Variants in TOM1L2 observed in about 807,000 individuals in gnomAD.
The protein encoded by TOM1L2 is TOM1-like protein 2.
A neutral mutation model predicts 67.9 loss-of-function variants in TOM1L2; 31 were observed. The ratio of observed to expected loss-of-function variants is 0.46; its 90% CI spans 0.34 to 0.62. TOM1L2 has a LOEUF of 0.62. Among genes scored for constraint, TOM1L2 ranks in the 20% least tolerant of loss-of-function variants. The probability of loss-of-function intolerance (pLI) is 0.01; values close to 1 mark genes in which losing one functional copy is unlikely to be tolerated. For synonymous variants in TOM1L2, 256 were observed against 254.0 expected, an observed-to-expected ratio of 1.01 and a Z score of -0.07; for missense variants, 606 against 663.5, an observed-to-expected ratio of 0.91 and a Z score of 0.95.
At chr17:17,946,429 T>G (rs1342736851) in intron 1 of TOM1L2, among the ~76,000 whole-genome samples, 1 of 152,228 alleles carries the variant, frequency 6.6e-6, no homozygotes, top group African/African-American at 2.4e-5. Flanking sequence ...TAGATGTGTC[T>G]ATTCTGAACA....
At chr17:17,858,395 C>T (rs2036367333) in intron 12 of TOM1L2, 1 of 152,800 alleles carries the variant, frequency 6.5e-6, no homozygotes, top group Non-Finnish European at 1.5e-5. Context: ...CCGCCTCAGC[C>T]TCCTGAGTAG....
intron 10 of TOM1L2, among the ~76,000 whole-genome samples, chr17:17,864,243 C>T (rs1226977659): frequency 6.7e-6 from 1 of 149,162 alleles, no homozygotes; most frequent in Non-Finnish European, 1.5e-5. Flanking sequence ...CAGAGTCTCG[C>T]TCTGTCACCC....
intron 1 of TOM1L2, among the ~76,000 whole-genome samples, chr17:17,939,787 G>A (rs115181587): frequency 3.8e-4 from 58 of 152,302 alleles, no homozygotes; most frequent in African/African-American, 1.3e-3. Flanking sequence ...TGTAATGAAA[G>A]TATAAGTAAG....
Position 17,861,543 on chromosome 17 carries a change from T to G in TOM1L2, c.1211A>C (p.Tyr404Ser). 6.2e-7 allele frequency: 1 copy of G among 1,613,988 alleles called. No homozygotes were observed. The highest frequency in any genetic ancestry group is 1.7e-5 in the Admixed American group (1 of 60,020). Residue 404 changes from tyrosine (Y) to serine (S), a missense_variant, in exon 12 of 15, where the codon TAT becomes TCT. Transcript: ENST00000379504. The stretch of plus-strand genomic sequence containing the variant: ...TCCTCCGACAGCCTGAGGATCCTCA[T>G]AGGTTACCCTGGAGATGAAGAAGCA... Reference protein sequence around the residue: ...SLAEQRKTVTYEDPQAVGGLA... With the variant: ...SLAEQRKTVTSEDPQAVGGLA...
At chr17:17,952,356 A>G (rs2041237198) in intron 1 of TOM1L2, among the ~76,000 whole-genome samples, 1 of 143,416 alleles carries the variant, frequency 7.0e-6, no homozygotes. Context: ...CTCTTTATAC[A>G]GTAAGTGCTT....
At chr17:17,907,339 T>C (rs1357102535) in intron 2 of TOM1L2, 108 bp downstream of exon 2, 33 of 938,472 alleles carry the variant, frequency 3.5e-5, no homozygotes, top group Non-Finnish European at 5.1e-5. Context: ...AAACCAAACA[T>C]ACTAGGAACA....
chr17:17,939,652 A>C (rs2040649078), intron 1 of TOM1L2, among the ~76,000 whole-genome samples: 1 of 152,254 alleles, frequency 6.6e-6, no homozygotes, highest in South Asian at 2.1e-4. Flanking sequence ...GAAGTTCATT[A>C]TACTATTCTA....
chr17:17,960,231 G>GCTCT (rs2041626881), intron 1 of TOM1L2, among the ~76,000 whole-genome samples: 1 of 152,166 alleles, frequency 6.6e-6, no homozygotes, highest in African/African-American at 2.4e-5. Context: ...ACAATACTAA[G>GCTCT]CTCTCTGGTT....
rs763075851 is a variant in TOM1L2, at chr17:17,850,929, G to C, written c.1302C>G (p.Val434=). Residue 434 remains valine (V), a synonymous_variant, in exon 13 of 15, where the codon GTC becomes GTG. Coordinates refer to ENST00000379504, the MANE Select transcript of TOM1L2 (RefSeq NM_001082968.2). The stretch of plus-strand genomic sequence containing the variant: ...TGAGCCACACCTCAATGTCGTCCAT[G>C]ACAGATGGCTGCGCAACGGGGATCT... ...SEGIPVAQPS[V]MDDIEVWLRT... 61 of 1,613,888 alleles carry C rather than the reference G, an allele frequency of 3.8e-5. No homozygotes were observed. The highest frequency in any genetic ancestry group is 4.9e-5 in the Non-Finnish European group (58 of 1,180,038).
chr17:17,893,570 T>C (rs986048332), intron 4 of TOM1L2, 91 bp downstream of exon 4: 4 of 1,217,668 alleles, frequency 3.3e-6, no homozygotes, highest in African/African-American at 3.1e-5. Flanking sequence ...CATTTTTTTT[T>C]TCCTCCAAAT....
chr17:17,849,953 G>A (rs2035865969), intron 13 of TOM1L2, among the ~76,000 whole-genome samples: 1 of 152,212 alleles, frequency 6.6e-6, no homozygotes, highest in African/African-American at 2.4e-5. Flanking sequence ...TTCTGGGGAG[G>A]AGGCCCAGAG....
rs60388742 is a variant in TOM1L2 at position 17,952,376 on chromosome 17, CTTTT to C, written c.52+19882_52+19885del. Among the ~76,000 whole-genome samples, 277 of 79,610 alleles carry C rather than the reference CTTTT, an allele frequency of 3.5e-3. 1 individual carries two copies. Among genetic ancestry groups the C allele is most frequent in the African/African-American group, 0.012 (266 of 22,568 alleles). 52.2% of individuals were successfully genotyped at this position (79,610 alleles called of 152,430 possible). ...TATACAGTAAGTGCTTCTTTATTTT[CTTTT>C]TTTTTTTTTTTTTTTTTTTTTTTTT... On this transcript the variant is annotated intron_variant, in intron 1 of 14. Coordinates refer to ENST00000379504, the MANE Select transcript of TOM1L2 (RefSeq NM_001082968.2).
At chr17:17,850,592 G>C (rs192330704) in intron 13 of TOM1L2, among the ~76,000 whole-genome samples, 1 of 152,198 alleles carries the variant, frequency 6.6e-6, no homozygotes, top group African/African-American at 2.4e-5. Flanking sequence ...AAAAGATACT[G>C]GGGGGAAGGC....
At chr17:17,945,454 G>C (rs1271410075) in intron 1 of TOM1L2, among the ~76,000 whole-genome samples, 1 of 152,128 alleles carries the variant, frequency 6.6e-6, no homozygotes, top group African/African-American at 2.4e-5. Context: ...AACAAACATG[G>C]ATTTCAATGT....
At chr17:17,902,642 C>T (rs1282050456) in intron 2 of TOM1L2, among the ~76,000 whole-genome samples, 3 of 152,196 alleles carry the variant, frequency 2.0e-5, no homozygotes, top group African/African-American at 7.2e-5. Flanking sequence ...GTGGCACATG[C>T]CAAGTGCTCA....
rs961415550 is a variant in TOM1L2, at chr17:17,845,432, A to G, written c.*2203T>C. The G allele has an allele frequency of 6.6e-6, 1 of 152,190 alleles. No individual in the cohort carries two copies. Among genetic ancestry groups the G allele is most frequent in the African/African-American group, 2.4e-5 (1 of 41,446 alleles). The allele number at this position is 152,190 out of a possible 1,614,324, so 9.4% of individuals were successfully genotyped here. A position where few individuals can be genotyped will look rare whatever the true frequency, so the allele number is the denominator to read the frequency against. On this transcript the variant is annotated 3_prime_UTR_variant, in exon 15 of 15. Coordinates refer to ENST00000379504, the MANE Select transcript of TOM1L2 (RefSeq NM_001082968.2). ...CTGGGGGCTCCCCAGGAGGGCGCCT[A>G]TTTCAGCTTCACGCACTATGGAATC...
At chr17:17,916,152 C>T (rs939009511) in intron 1 of TOM1L2, among the ~76,000 whole-genome samples, 3 of 151,108 alleles carry the variant, frequency 2.0e-5, no homozygotes, top group Non-Finnish European at 4.4e-5. Flanking sequence ...CAGCTCACTG[C>T]AAGCTCTACC....
chr17:17,929,400 G>A (rs2040234406), intron 1 of TOM1L2, among the ~76,000 whole-genome samples: 1 of 152,210 alleles, frequency 6.6e-6, no homozygotes, highest in African/African-American at 2.4e-5. Flanking sequence ...CACTTTGGGA[G>A]GCAGGTGGAT....
chr17:17,875,880 C>T (rs1007838874), intron 7 of TOM1L2, among the ~76,000 whole-genome samples: 4 of 152,174 alleles, frequency 2.6e-5, no homozygotes, highest in African/African-American at 7.2e-5. Context: ...AATAATGAAG[C>T]TAAACATGTA....
Sources: allele counts gnomAD v4.1 joint callset (sites outside exome capture counted in the v4.1 genomes callset), GRCh38; gene constraint gnomAD v4.1.1; transcripts MANE v1.5; gene names NCBI Gene and HGNC (gene_info 2026-07-23, HGNC 2026-07-21).